Variants in GALNTL6 observed in about 807,000 individuals in gnomAD.
GALNTL6 encodes the protein polypeptide N-acetylgalactosaminyltransferase like 6.
In GALNTL6, 46 loss-of-function variants were observed where a neutral mutation model predicts 73.7. That is an observed-to-expected ratio of 0.62 (90% CI 0.49 to 0.80). GALNTL6 has a LOEUF of 0.80. Ranked by LOEUF, GALNTL6 falls within the 30% of genes least tolerant of loss-of-function variation. The pLI, the probability that GALNTL6 is intolerant of heterozygous loss-of-function variation, is 0.00. For synonymous variants in GALNTL6, 259 were observed against 263.7 expected (o/e 0.98, Z 0.17); for missense variants, 604 against 755.0 (o/e 0.80, Z 2.34).
intron 5 of GALNTL6, among the ~76,000 whole-genome samples, chr4:172,578,072 G>A (rs1458393457): frequency 6.6e-6 from 1 of 152,084 alleles, no homozygotes; most frequent in Admixed American, 6.6e-5. Context: ...CATCTTTCCA[G>A]AAGAGACTCA....
At chr4:172,902,330 C>CAAACT (rs1663077184) in intron 8 of GALNTL6, among the ~76,000 whole-genome samples, 1 of 152,126 alleles carries the variant, frequency 6.6e-6, no homozygotes, top group Non-Finnish European at 1.5e-5. Context: ...AAATTTTTAT[C>CAAACT]AAACTAAAAG....
At chr4:171,874,373 C>G (rs181659945) in intron 2 of GALNTL6, among the ~76,000 whole-genome samples, 6 of 151,816 alleles carry the variant, frequency 4.0e-5, no homozygotes. Flanking sequence ...TATTTTTAGT[C>G]GAGACAGGGT....
intron 7 of GALNTL6, among the ~76,000 whole-genome samples, chr4:172,850,858 T>C (rs1743778264): frequency 1.3e-5 from 2 of 152,130 alleles, no homozygotes; most frequent in African/African-American, 4.8e-5. Flanking sequence ...AGAATACAGC[T>C]GAACAGCCAA....
chr4:172,234,286 G>A (rs78999150), intron 3 of GALNTL6, among the ~76,000 whole-genome samples: 1,544 of 152,190 alleles, frequency 0.01, 26 homozygotes, highest in African/African-American at 0.035. Flanking sequence ...GAACTGCAGT[G>A]TAACATTGAA....
Position 172,105,377 on chromosome 4 carries a change from A to G in GALNTL6, c.139-124279A>G, listed in dbSNP as rs75741382. On this transcript the variant is annotated intron_variant, in intron 2 of 12. Transcript: ENST00000506823. ...AGTAAATGAAATGCTCCAAAATCCC[A>G]CTAGTGAGAATTAGTAAAGAAGAGA... Among the ~76,000 whole-genome samples the G allele has an allele frequency of 8.4e-3, 1,276 of 152,146 alleles. 6 individuals carry two copies. The highest frequency in any genetic ancestry group is 0.034 in the Middle Eastern group (10 of 294).
At chr4:172,136,146 A>G (rs1174488663) in intron 2 of GALNTL6, among the ~76,000 whole-genome samples, 1 of 152,146 alleles carries the variant, frequency 6.6e-6, no homozygotes, top group Non-Finnish European at 1.5e-5. Flanking sequence ...TAAATTTCAT[A>G]GTTTAGCTTC....
At chr4:172,201,311 A>T (rs958012142) in intron 2 of GALNTL6, among the ~76,000 whole-genome samples, 6 of 152,140 alleles carry the variant, frequency 3.9e-5, no homozygotes, top group African/African-American at 1.4e-4. Flanking sequence ...GATTCAAGCA[A>T]TTCCCCTGCC....
intron 5 of GALNTL6, among the ~76,000 whole-genome samples, chr4:172,477,261 T>C (rs760846525): frequency 6.6e-6 from 1 of 150,760 alleles, no homozygotes; most frequent in Non-Finnish European, 1.5e-5. Context: ...TTAAAAATAT[T>C]ATAAAAACTA....
chr4:172,011,922 G>T (rs908634046), intron 2 of GALNTL6, among the ~76,000 whole-genome samples: 1 of 152,000 alleles, frequency 6.6e-6, no homozygotes. Context: ...GGGTGAGAAA[G>T]GTGACATATG....
chr4:172,278,295 C>T (rs1234284166), intron 3 of GALNTL6, among the ~76,000 whole-genome samples: 5 of 152,210 alleles, frequency 3.3e-5, no homozygotes, highest in Admixed American at 6.5e-5. Flanking sequence ...TTAAAAAGCA[C>T]GCCTTTTGTT....
chr4:172,352,525 T>C (rs577486397), intron 5 of GALNTL6, among the ~76,000 whole-genome samples: 1 of 152,306 alleles, frequency 6.6e-6, no homozygotes, highest in African/African-American at 2.4e-5. Context: ...GCAGGACTAA[T>C]CCTGGGCTTA....
intron 5 of GALNTL6, among the ~76,000 whole-genome samples, chr4:172,683,784 G>A (rs554832593): frequency 5.3e-5 from 8 of 152,192 alleles, no homozygotes; most frequent in Admixed American, 2.6e-4. Flanking sequence ...CTAAGCAGAC[G>A]GAGTTATTTT....
At chr4:172,200,412 C>T (rs1311850483) in intron 2 of GALNTL6, among the ~76,000 whole-genome samples, 1 of 152,208 alleles carries the variant, frequency 6.6e-6, no homozygotes, top group East Asian at 1.9e-4. Context: ...AAATCACGAA[C>T]GGTGCTTTTC....
Position 172,809,912 on chromosome 4 carries a change from T to TACACACACACAC in GALNTL6, c.739+394_739+405dup, listed in dbSNP as rs5864170. Among the ~76,000 whole-genome samples the TACACACACACAC allele has an allele frequency of 4.4e-4, 62 of 141,238 alleles. No homozygotes were observed. Among genetic ancestry groups the TACACACACACAC allele is most frequent in the African/African-American group, 1.3e-3 (50 of 38,460 alleles). 92.7% of individuals were successfully genotyped at this position (141,238 alleles called of 152,430 possible). A position where few individuals can be genotyped will look rare whatever the true frequency, so the allele number is the denominator to read the frequency against. ...TCCTGTAGCTACAGCAAGATTAAAA[T>TACACACACACAC]ACACACACACACACACACACACACA... On this transcript the variant is annotated intron_variant, in intron 6 of 12. Coordinates refer to ENST00000506823, the MANE Select transcript of GALNTL6 (RefSeq NM_001034845.3). This position sits in a 1 kb window ranked among gnomAD's most constrained non-coding sequence, Gnocchi z 4.4.
chr4:172,468,973 A>G (rs891034268), intron 5 of GALNTL6, among the ~76,000 whole-genome samples: 1 of 152,190 alleles, frequency 6.6e-6, no homozygotes. Context: ...TTAAGAAATT[A>G]TTATTACTAT....
intron 10 of GALNTL6, among the ~76,000 whole-genome samples, chr4:172,982,569 C>T (rs1751114463): frequency 3.3e-5 from 5 of 152,286 alleles, no homozygotes; most frequent in Admixed American, 3.3e-4. Context: ...TAGTGTGGGG[C>T]TTTCACAAGC....
At chr4:171,898,735 G>T (rs1381602206) in intron 2 of GALNTL6, among the ~76,000 whole-genome samples, 1 of 151,778 alleles carries the variant, frequency 6.6e-6, no homozygotes, top group East Asian at 1.9e-4. Context: ...GTAGGTTGTA[G>T]TTTTTTTTAA....
At chr4:172,242,152 A>C (rs982133798) in intron 3 of GALNTL6, among the ~76,000 whole-genome samples, 1 of 152,124 alleles carries the variant, frequency 6.6e-6, no homozygotes, top group African/African-American at 2.4e-5. Flanking sequence ...TGCCTATGAC[A>C]TTTTATGGAA....
At chr4:172,486,878 TAAAC>T (rs778194342) in intron 5 of GALNTL6, among the ~76,000 whole-genome samples, 2 of 152,188 alleles carry the variant, frequency 1.3e-5, no homozygotes, top group East Asian at 1.9e-4. Context: ...TGCTCAAAGA[TAAAC>T]AAAATACCTC....
Sources: gnomAD v4.1 joint callset for allele counts (sites outside exome capture counted in the v4.1 genomes callset) on GRCh38, gnomAD v4.1.1 for gene constraint, Gnocchi (gnomAD v3.1) non-coding constraint, MANE v1.5 for transcripts, NCBI Gene and HGNC (gene_info 2026-07-23, HGNC 2026-07-21) for gene names.